Variants in FAM184B observed in about 807,000 individuals in gnomAD.
FAM184B encodes family with sequence similarity 184 member B.
FAM184B carries 111 observed loss-of-function variants against 135.9 expected under a neutral mutation model. The ratio of observed to expected loss-of-function variants is 0.82; its 90% CI spans 0.70 to 0.96. The LOEUF (loss-of-function observed/expected upper bound fraction) is 0.96, where lower values mean the gene tolerates loss of function less well. Ranked by LOEUF, FAM184B falls within the 40% of genes least tolerant of loss-of-function variation. The pLI is 0.00. For synonymous variants in FAM184B, 552 were observed against 524.8 expected, an observed-to-expected ratio of 1.05 and a Z score of -0.71; for missense variants, 1,375 against 1,323.9, an observed-to-expected ratio of 1.04 and a Z score of -0.60.
At chr4:17,722,571 C>T (rs1476759003) in intron 1 of FAM184B, among the ~76,000 whole-genome samples, 1 of 152,224 alleles carries the variant, frequency 6.6e-6, no homozygotes, top group African/African-American at 2.4e-5. Context: ...TGAAACCCAA[C>T]TGTTCTCCAA....
intron 5 of FAM184B, among the ~76,000 whole-genome samples, chr4:17,695,765 T>C (rs1285011028): frequency 1.3e-5 from 2 of 152,158 alleles, no homozygotes; most frequent in Non-Finnish European, 2.9e-5. Context: ...CTTGTCTGCA[T>C]GTGTCAAGCT....
intron 1 of FAM184B, among the ~76,000 whole-genome samples, chr4:17,765,212 A>G (rs984514446): frequency 2.0e-5 from 3 of 152,238 alleles, no homozygotes; most frequent in Non-Finnish European, 4.4e-5. Context: ...TCAGGACCTC[A>G]GCACATCTTG....
chr4:17,702,985 G>A (rs1477054867), intron 5 of FAM184B, among the ~76,000 whole-genome samples: 3 of 152,206 alleles, frequency 2.0e-5, no homozygotes, highest in Admixed American at 2.0e-4. Context: ...GGGCTCTGGA[G>A]TCAGGATATC....
chr4:17,686,203 A>T (rs1170948273), intron 7 of FAM184B, among the ~76,000 whole-genome samples: 2 of 152,240 alleles, frequency 1.3e-5, no homozygotes, highest in Non-Finnish European at 2.9e-5. Context: ...ATGCTAGCTC[A>T]TGAGACTGAT....
At chr4:17,766,998 C>T (rs987971554) in intron 1 of FAM184B, among the ~76,000 whole-genome samples, 7 of 152,176 alleles carry the variant, frequency 4.6e-5, no homozygotes, top group Non-Finnish European at 8.8e-5. Flanking sequence ...GCAGCGCCAG[C>T]GGGCCAGCAC....
In FAM184B at chr4:17,642,674, G is replaced by A. The variant is rs532967567; in HGVS notation, c.2347-446C>T. 2.0e-5 allele frequency among the ~76,000 whole-genome samples: 3 copies of A among 152,330 alleles called. No homozygotes were observed. The South Asian group carries it at 6.2e-4, about 32-fold the overall frequency. On this transcript the variant is annotated intron_variant, in intron 12 of 17. Transcript: ENST00000265018. ...CTTGCTAACTCTGGCTCTGTAAGGG[G>A]TGACACTGAAGAGAATATGTGTCCA...
intron 14 of FAM184B, among the ~76,000 whole-genome samples, chr4:17,638,067 C>T (rs1029321364): frequency 1.3e-5 from 2 of 151,666 alleles, no homozygotes; most frequent in African/African-American, 4.9e-5. Flanking sequence ...CCTTGTTTTG[C>T]CCACCCTTGC....
At chr4:17,639,228 T>TG (rs1404764795) in intron 14 of FAM184B, 22 bp downstream of exon 14, 3 of 1,550,626 alleles carry the variant, frequency 1.9e-6, no homozygotes, top group Non-Finnish European at 2.6e-6. Context: ...AGACCCTCCC[T>TG]GGGGCCCGAG....
chr4:17,656,329 A>T (rs7675172), intron 10 of FAM184B, among the ~76,000 whole-genome samples: 9,667 of 152,276 alleles, frequency 0.063, 1,059 homozygotes, highest in African/African-American at 0.22. Context: ...TTGAAGAAAT[A>T]AGGAAACTGA....
At chr4:17,752,337 G>A (rs13103786) in intron 1 of FAM184B, among the ~76,000 whole-genome samples, 1,584 of 152,022 alleles carry the variant, frequency 0.01, 25 homozygotes, top group African/African-American at 0.036. Flanking sequence ...TGGGTAGGAC[G>A]GGAGATAGGG....
In FAM184B at chr4:17,781,367, C is replaced by T. The variant is rs1719030349; in HGVS notation, c.-68G>A. 4 of 1,403,522 alleles carry T rather than the reference C, an allele frequency of 2.8e-6. No homozygotes were observed. The South Asian group carries it at 6.0e-5, about 21-fold the overall frequency. The allele number at this position is 1,403,522 out of a possible 1,614,324, so 86.9% of individuals were successfully genotyped here. ...TGCCCACCGTGTGCACGTGCGTGCGCGCGCGGGCGTGCGAGCGTGTGGGTT... is the reference window on the plus strand; with the variant it reads ...TGCCCACCGTGTGCACGTGCGTGCGTGCGCGGGCGTGCGAGCGTGTGGGTT... On this transcript the variant is annotated 5_prime_UTR_variant, in exon 1 of 18. Coordinates refer to ENST00000265018, the MANE Select transcript of FAM184B (RefSeq NM_015688.2). This position sits in a 1 kb window ranked among gnomAD's most constrained non-coding sequence, Gnocchi z 6.5.
At chr4:17,768,384 C>T (rs140118625) in intron 1 of FAM184B, among the ~76,000 whole-genome samples, 2,097 of 152,254 alleles carry the variant, frequency 0.014, 48 homozygotes, top group East Asian at 0.085. Context: ...AAGCAATTCT[C>T]CTGCTTCAGC....
At chr4:17,640,613 CAAAA>C (rs1044607570) in intron 13 of FAM184B, among the ~76,000 whole-genome samples, 9 of 151,302 alleles carry the variant, frequency 5.9e-5, no homozygotes, top group Non-Finnish European at 1.0e-4. Context: ...ATTAAAATGA[CAAAA>C]AAAATTATGA....
Position 17,629,469 on chromosome 4 carries a change from A to G in FAM184B, c.*3063T>C, listed in dbSNP as rs1158529400. ...TGTTAGAGCAGTTAAGGGCTCAGGT[A>G]TGTGGTGTGCAGCCATTGACTGGGT... On this transcript the variant is annotated 3_prime_UTR_variant, in exon 18 of 18. Coordinates refer to ENST00000265018, the MANE Select transcript of FAM184B (RefSeq NM_015688.2). 1 of 152,218 alleles carries G rather than the reference A, an allele frequency of 6.6e-6. No individual in the cohort carries two copies. Among genetic ancestry groups the G allele is most frequent in the Non-Finnish European group, 1.5e-5 (1 of 68,040 alleles). 9.4% of individuals were successfully genotyped at this position (152,218 alleles called of 1,614,324 possible). A position where few individuals can be genotyped will look rare whatever the true frequency, so the allele number is the denominator to read the frequency against.
intron 16 of FAM184B, chr4:17,634,208 T>G (rs1415403920): frequency 9.6e-6 from 2 of 209,122 alleles, no homozygotes; most frequent in Non-Finnish European, 1.9e-5. Flanking sequence ...CTCAAATGCA[T>G]TTATTTAAAT....
chr4:17,691,403 G>T lies in FAM184B; in HGVS notation c.1488+1899C>A, dbSNP rs181355342. 1.9e-3 allele frequency among the ~76,000 whole-genome samples: 291 copies of T among 152,216 alleles called. 1 individual carries two copies. The highest frequency in any genetic ancestry group is 3.5e-3 in the South Asian group (17 of 4,820). Reference sequence around the variant, plus strand: ...TTATTGTTTTTAAAAAAAGAGCTCTGGGCTGGGCACGGTGGCTCACGCCTG... The same window carrying T: ...TTATTGTTTTTAAAAAAAGAGCTCTTGGCTGGGCACGGTGGCTCACGCCTG... On this transcript the variant is annotated intron_variant, in intron 6 of 17. Coordinates refer to ENST00000265018, the MANE Select transcript of FAM184B (RefSeq NM_015688.2).
intron 1 of FAM184B, among the ~76,000 whole-genome samples, chr4:17,739,557 T>TTTTTTTTTTTTTC (rs1717982657): frequency 8.9e-6 from 1 of 112,896 alleles, no homozygotes; most frequent in Non-Finnish European, 1.8e-5. Flanking sequence ...TACCAACTGT[T>TTTTTTTTTTTTTC]TTTTTTTTTT....
At chr4:17,681,833 C>T (rs144463906) in intron 7 of FAM184B, among the ~76,000 whole-genome samples, 32 of 152,240 alleles carry the variant, frequency 2.1e-4, no homozygotes, top group East Asian at 1.2e-3. Context: ...AGCAGATGTC[C>T]GCAGATGTCA....
At chr4:17,705,246 G>A (rs779933340) in intron 4 of FAM184B, 40 bp from the exon 5 acceptor site, 3 of 1,455,996 alleles carry the variant, frequency 2.1e-6, no homozygotes, top group South Asian at 2.5e-5. Flanking sequence ...CACTGGGGAG[G>A]GGTGAGGAGC....
Sources: gnomAD v4.1 joint callset for allele counts (sites outside exome capture counted in the v4.1 genomes callset) on GRCh38, gnomAD v4.1.1 for gene constraint, Gnocchi (gnomAD v3.1) non-coding constraint, MANE v1.5 for transcripts, NCBI Gene and HGNC (gene_info 2026-07-23, HGNC 2026-07-21) for gene names.